CMYA5: variants seen among roughly 807,000 people sequenced by gnomAD.
CMYA5 encodes the protein cardiomyopathy associated 5.
A neutral mutation model predicts 318.9 loss-of-function variants in CMYA5; 246 were observed. The ratio of observed to expected loss-of-function variants is 0.77; its 90% CI spans 0.70 to 0.86. The LOEUF is 0.86. Among genes scored for constraint, CMYA5 ranks in the 40% least tolerant of loss-of-function variants. The probability of loss-of-function intolerance (pLI) is 0.00; values close to 1 mark genes in which losing one functional copy is unlikely to be tolerated. For synonymous variants in CMYA5, 1,641 were observed against 1,729.5 expected (o/e 0.95, Z 1.27); for missense variants, 4,589 against 4,678.2 (o/e 0.98, Z 0.56).
intron 9 of CMYA5, among the ~76,000 whole-genome samples, chr5:79,766,095 TTTTA>T (rs1419377732): frequency 1.3e-5 from 2 of 152,094 alleles, no homozygotes; most frequent in Admixed American, 6.6e-5. Flanking sequence ...TTCCAGTTTG[TTTTA>T]TTTATTTATT....
intron 6 of CMYA5, among the ~76,000 whole-genome samples, chr5:79,757,674 A>G (rs1828557361): frequency 6.6e-6 from 1 of 152,216 alleles, no homozygotes; most frequent in African/African-American, 2.4e-5. Context: ...TATCGTGAAT[A>G]TAGAATCTAT....
chr5:79,752,770 G>T lies in CMYA5; in HGVS notation c.11086G>T (p.Asp3696Tyr). 1.2e-6 allele frequency: 2 copies of T among 1,613,268 alleles called. No homozygotes were observed. Among genetic ancestry groups the T allele is most frequent in the South Asian group, 2.2e-5 (2 of 90,942 alleles). ...TTATGATGACAGCTCGGCAAGAAGT[G>T]ACCAGATGTTAAAACAAGTGGCTGG... is the stretch of plus-strand genomic sequence containing the variant. ...EHYDDSSARSDQMLKQVAVPQ... is the reference protein window; with the variant it reads ...EHYDDSSARSYQMLKQVAVPQ... Residue 3696 changes from aspartate to tyrosine, a missense_variant, in exon 6 of 13, where the codon GAC becomes TAC. This residue lies in a region of CMYA5 where 2,431 missense variants were observed against 2,495.1 expected (regional missense o/e 0.97). Coordinates refer to ENST00000446378, the MANE Select transcript of CMYA5 (RefSeq NM_153610.5).
rs763467573 is a variant in CMYA5 at position 79,739,243 on chromosome 5, C to T, written c.10478C>T (p.Ser3493Phe). Residue 3493 changes from serine to phenylalanine, a missense_variant, in exon 2 of 13, where the codon TCT becomes TTT. Ser to Phe is a radical substitution (Grantham distance 155, BLOSUM62 -2). This residue lies in a region of CMYA5 where 2,431 missense variants were observed against 2,495.1 expected (regional missense o/e 0.97). Transcript: ENST00000446378. ...AGGAAAGAAGAAGACCAATTATCAT[C>T]TGAGGTAGTAACTGAAAAGGCACAA... ...SERKEEDQLS[S>F]EVVTEKAQKE... The T allele has an allele frequency of 5.0e-5, 80 of 1,612,672 alleles. No individual in the cohort carries two copies. The highest frequency in any genetic ancestry group is 6.2e-5 in the Non-Finnish European group (73 of 1,179,438).
At position 79,731,834 on chromosome 5, in the gene CMYA5, T is replaced by A; in HGVS notation, c.3069T>A (p.Pro1023=). 6.2e-7 allele frequency: 1 copy of A among 1,613,120 alleles called. No individual in the cohort carries two copies. Among genetic ancestry groups the A allele is most frequent in the Non-Finnish European group, 8.5e-7 (1 of 1,179,698 alleles). ...AAACAGAGAAAAATGAACTTGAGCC[T>A]GATTCACTATTAACTGCAGTGTCTG... The part of the protein sequence containing the change: ...ISETEKNELE[P]DSLLTAVSAS... The change falls in exon 2 of 13, where the codon CCT becomes CCA. Residue 1023 remains proline, a synonymous_variant. Transcript: ENST00000446378.
At chr5:79,765,927 A>G (rs1290169070) in intron 9 of CMYA5, among the ~76,000 whole-genome samples, 2 of 152,212 alleles carry the variant, frequency 1.3e-5, no homozygotes, top group Admixed American at 6.5e-5. Context: ...CAATCATGTC[A>G]TCTGCAAACA....
chr5:79,737,066 A>T lies in CMYA5; in HGVS notation c.8301A>T (p.Ser2767=), dbSNP rs1828088624. 2 of 1,613,662 alleles carry T rather than the reference A, an allele frequency of 1.2e-6. No individual in the cohort carries two copies. Among genetic ancestry groups the T allele is most frequent in the Non-Finnish European group, 1.7e-6 (2 of 1,179,816 alleles). Residue 2767 remains serine, a synonymous_variant, in exon 2 of 13, where the codon TCA becomes TCT. Coordinates refer to ENST00000446378, the MANE Select transcript of CMYA5 (RefSeq NM_153610.5). ...AAGAAAAAGAACAGTTCAAAGAGTC[A>T]GAGCTATGGAAAGGTGGTTCAGTAG... is the stretch of plus-strand genomic sequence containing the variant. ...HSEEKEQFKE[S]ELWKGGSVDI... is the part of the protein sequence containing the mutation.
chr5:79,752,548 T>C (rs537188183), intron 5 of CMYA5, 128 bp from the exon 6 acceptor site: 3 of 562,200 alleles, frequency 5.3e-6, no homozygotes, highest in East Asian at 2.9e-5. Flanking sequence ...CTTTTTTGGA[T>C]AGAGTGAGAG....
Position 79,738,841 on chromosome 5 carries a change from G to A in CMYA5, c.10076G>A (p.Gly3359Asp), listed in dbSNP as rs1828148811. ...LERADEAGSH[G>D]NEVGNASPEV... The stretch of plus-strand genomic sequence containing the variant: ...CGTGCAGATGAAGCAGGCAGTCACG[G>A]TAATGAAGTCGGAAATGCAAGTCCA... The change falls in exon 2 of 13, where the codon GGT becomes GAT. Residue 3359 changes from glycine (G) to aspartate (D), a missense_variant. Coordinates refer to ENST00000446378, the MANE Select transcript of CMYA5 (RefSeq NM_153610.5). 6.2e-7 allele frequency: 1 copy of A among 1,613,782 alleles called. No individual in the cohort carries two copies. Among genetic ancestry groups the A allele is most frequent in the African/African-American group, 1.3e-5 (1 of 74,924 alleles).
intron 9 of CMYA5, among the ~76,000 whole-genome samples, chr5:79,764,293 C>T (rs1181233056): frequency 1.3e-5 from 2 of 152,078 alleles, no homozygotes; most frequent in Non-Finnish European, 2.9e-5. Context: ...AGAATGATGG[C>T]TTCCAGCTTC....
At chr5:79,754,742 A>G (rs1167022913) in intron 6 of CMYA5, among the ~76,000 whole-genome samples, 1 of 152,162 alleles carries the variant, frequency 6.6e-6, no homozygotes, top group Non-Finnish European at 1.5e-5. Context: ...GGACATTCAC[A>G]TTGTGGTACA....
At position 79,752,660 on chromosome 5, in the gene CMYA5, C is replaced by T. The variant is rs746984768; in HGVS notation, c.10992-16C>T. On this transcript the variant is annotated splice_polypyrimidine_tract_variant and intron_variant, in intron 5 of 12. Coordinates refer to ENST00000446378, the MANE Select transcript of CMYA5 (RefSeq NM_153610.5). Reference sequence around the variant, plus strand: ...TAATAATTTTTTAACTTATGTAGAGCTCTATTCCCCGATAGGTTGCTTTCT... The same window carrying T: ...TAATAATTTTTTAACTTATGTAGAGTTCTATTCCCCGATAGGTTGCTTTCT... The T allele has an allele frequency of 1.9e-6, 3 of 1,553,874 alleles. No homozygotes were observed. The highest frequency in any genetic ancestry group is 1.4e-5 in the African/African-American group (1 of 73,342).
Position 79,763,226 on chromosome 5 carries a change from A to T in CMYA5, c.11555+17A>T. On this transcript the variant is annotated intron_variant, in intron 9 of 12. Transcript: ENST00000446378. The stretch of plus-strand genomic sequence containing the variant: ...GGGCCTCAGGTGAGGGGCCCTCTCC[A>T]TGGGAGAGACTGCCCAGAGCCCAGT... The T allele has an allele frequency of 6.3e-7, 1 of 1,578,546 alleles. No individual in the cohort carries two copies. The highest frequency in any genetic ancestry group is 8.6e-7 in the Non-Finnish European group (1 of 1,164,224).
rs376295720 is a variant in CMYA5 at position 79,729,090 on chromosome 5, C to T, written c.325C>T (p.Arg109Trp). Residue 109 changes from arginine to tryptophan, a missense_variant, in exon 2 of 13, where the codon CGG becomes TGG. Coordinates refer to ENST00000446378, the MANE Select transcript of CMYA5 (RefSeq NM_153610.5). ...EESQTSGVCS[R>W]EGSTVNSPPG... is the part of the protein sequence containing the mutation. ...AAGTCAGACTTCTGGTGTGTGTAGTCGGGAAGGGTCAACTGTGAATTCTCC... is the reference window on the plus strand; with the variant it reads ...AAGTCAGACTTCTGGTGTGTGTAGTTGGGAAGGGTCAACTGTGAATTCTCC... 81 of 1,613,438 alleles carry T rather than the reference C, an allele frequency of 5.0e-5. 1 individual carries two copies. The highest frequency in any genetic ancestry group is 2.6e-4 in the South Asian group (24 of 91,004).
intron 1 of CMYA5, among the ~76,000 whole-genome samples, chr5:79,717,212 A>G (rs1044977680): frequency 6.6e-6 from 1 of 152,208 alleles, no homozygotes; most frequent in Non-Finnish European, 1.5e-5. Context: ...ATTTAATTAA[A>G]TATTGCTTAA....
chr5:79,788,914 G>A, intron 9 of CMYA5, 57 bp from the exon 10 acceptor site: 1 of 1,512,046 alleles, frequency 6.6e-7, no homozygotes, highest in Non-Finnish European at 9.0e-7. Flanking sequence ...AATTGAAATA[G>A]GAATCATTTA....
At position 79,738,272 on chromosome 5, in the gene CMYA5, G is replaced by A. The variant is rs768184799; in HGVS notation, c.9507G>A (p.Gln3169=). The change falls in exon 2 of 13, where the codon CAG becomes CAA. Residue 3169 remains glutamine (Q), a synonymous_variant. Transcript: ENST00000446378. ...AGGAAGGAGTTCTATCACGAACCCA[G>A]ATATTTCCTACCACTATTAAAGTCA... ...EAEEGVLSRT[Q]IFPTTIKVID... is the part of the protein sequence containing the mutation. The A allele has an allele frequency of 4.3e-6, 7 of 1,613,402 alleles. No homozygotes were observed. Among genetic ancestry groups the A allele is most frequent in the Non-Finnish European group, 4.2e-6 (5 of 1,179,784 alleles).
At chr5:79,792,830 A>G (rs1020736140) in intron 11 of CMYA5, among the ~76,000 whole-genome samples, 1 of 152,196 alleles carries the variant, frequency 6.6e-6, no homozygotes, top group Admixed American at 6.5e-5. Context: ...CCTTCAACCA[A>G]CCTCTTAAGG....
intron 5 of CMYA5, among the ~76,000 whole-genome samples, chr5:79,748,504 TCTATCTATCTATCTAC>T (rs1204437352): frequency 3.3e-5 from 4 of 121,012 alleles, no homozygotes; most frequent in East Asian, 3.1e-4. Flanking sequence ...TCCCTATCTA[TCTATCTATCTATCTAC>T]CTATCTATCT....
intron 6 of CMYA5, among the ~76,000 whole-genome samples, chr5:79,758,132 A>G (rs1561221528): frequency 6.6e-6 from 1 of 152,066 alleles, no homozygotes; most frequent in Non-Finnish European, 1.5e-5. Flanking sequence ...CAGGAGGCTG[A>G]GGCAGGAGAA....
Sources: gnomAD v4.1 joint callset for allele counts (sites outside exome capture counted in the v4.1 genomes callset) on GRCh38, gnomAD v4.1.1 for gene constraint, gnomAD v4.1.1 regional missense constraint, MANE v1.5 for transcripts, NCBI Gene and HGNC (gene_info 2026-07-23, HGNC 2026-07-21) for gene names.